Variants in KIAA1328 observed in about 807,000 individuals in gnomAD.
KIAA1328 encodes KIAA1328, also known as protein hinderin.
In KIAA1328, 52 loss-of-function variants were observed where a neutral mutation model predicts 68.1. The observed-to-expected ratio is 0.76, with a 90% CI of 0.61 to 0.96. The LOEUF (loss-of-function observed/expected upper bound fraction) is 0.96. Ranked by LOEUF, KIAA1328 falls within the 40% of genes least tolerant of loss-of-function variation. The probability of loss-of-function intolerance (pLI) is 0.00; values close to 1 mark genes in which losing one functional copy is unlikely to be tolerated. For missense variants in KIAA1328, 641 were observed against 677.6 expected, an observed-to-expected ratio of 0.95 and a Z score of 0.60; for synonymous variants, 232 against 239.4, an observed-to-expected ratio of 0.97 and a Z score of 0.28.
intron 7 of KIAA1328, among the ~76,000 whole-genome samples, chr18:37,073,421 C>G (rs1217794309): frequency 6.6e-6 from 1 of 152,264 alleles, no homozygotes; most frequent in African/African-American, 2.4e-5. Context: ...AGCTCAACAT[C>G]ATATTAGAGA....
intron 7 of KIAA1328, among the ~76,000 whole-genome samples, chr18:37,118,717 TCTAGAC>T (rs1294470383): frequency 1.3e-5 from 2 of 152,162 alleles, no homozygotes; most frequent in East Asian, 3.9e-4. Flanking sequence ...CTTTGGAACC[TCTAGAC>T]CAACAGACCC....
At chr18:37,194,958 T>G (rs2059975867) in intron 9 of KIAA1328, among the ~76,000 whole-genome samples, 1 of 152,178 alleles carries the variant, frequency 6.6e-6, no homozygotes, top group Non-Finnish European at 1.5e-5. Flanking sequence ...GCGCCCAGCC[T>G]ATGGTTGCTT....
intron 8 of KIAA1328, among the ~76,000 whole-genome samples, chr18:37,169,740 T>G (rs900542433): frequency 1.3e-4 from 20 of 152,214 alleles, no homozygotes; most frequent in African/African-American, 4.3e-4. Context: ...CAGCAATCAT[T>G]CTTATCCTTT....
At chr18:36,950,827 T>C (rs1435912441) in intron 5 of KIAA1328, among the ~76,000 whole-genome samples, 1 of 152,170 alleles carries the variant, frequency 6.6e-6, no homozygotes, top group Non-Finnish European at 1.5e-5. Flanking sequence ...TACCTCAGAT[T>C]CTTACCCGAG....
chr18:37,073,618 C>T (rs1179717419), intron 7 of KIAA1328, among the ~76,000 whole-genome samples: 1 of 151,834 alleles, frequency 6.6e-6, no homozygotes, highest in African/African-American at 2.4e-5. Context: ...TTCATTTGTC[C>T]TCTTCATTCT....
chr18:37,094,953 CAAA>C (rs34821590), intron 7 of KIAA1328, among the ~76,000 whole-genome samples: 3 of 137,048 alleles, frequency 2.2e-5, no homozygotes, highest in East Asian at 2.2e-4. Flanking sequence ...GGTTTTATGT[CAAA>C]AAAAAAAAAC....
rs1408912234 is a variant in KIAA1328, at chr18:37,154,274, T to A, written c.1233-5926T>A. ...CTCAGTCCATCGCTCTTATTAAAAATTCCCCAGATTATTTAAATGTATTGC... is the reference window on the plus strand; with the variant it reads ...CTCAGTCCATCGCTCTTATTAAAAAATCCCCAGATTATTTAAATGTATTGC... On this transcript the variant is annotated intron_variant, in intron 7 of 9. Coordinates refer to ENST00000280020, the MANE Select transcript of KIAA1328 (RefSeq NM_020776.3). Among the ~76,000 whole-genome samples, 6 of 152,130 alleles carry A rather than the reference T, an allele frequency of 3.9e-5. No homozygotes were observed. The East Asian group carries it at 7.7e-4, about 20-fold the overall frequency.
intron 8 of KIAA1328, among the ~76,000 whole-genome samples, chr18:37,165,474 C>G (rs2059368695): frequency 6.6e-6 from 1 of 151,650 alleles, no homozygotes; most frequent in Admixed American, 6.6e-5. Flanking sequence ...GACTGGAGTG[C>G]AATGGTGCTA....
intron 7 of KIAA1328, among the ~76,000 whole-genome samples, chr18:37,138,539 A>G (rs2058694743): frequency 6.6e-6 from 1 of 152,204 alleles, no homozygotes; most frequent in African/African-American, 2.4e-5. Flanking sequence ...TTTTGAAGCC[A>G]GGAACCATGC....
intron 5 of KIAA1328, among the ~76,000 whole-genome samples, chr18:36,936,356 A>T (rs1236130480): frequency 2.0e-5 from 3 of 152,028 alleles, no homozygotes. Flanking sequence ...ACTCCCACTT[A>T]TGAGTGAGAA....
intron 5 of KIAA1328, among the ~76,000 whole-genome samples, chr18:36,910,776 GT>G (rs1172333210): frequency 6.6e-6 from 1 of 152,032 alleles, no homozygotes; most frequent in African/African-American, 2.4e-5. Flanking sequence ...TCTTCTATTT[GT>G]TTATGTCCTC....
At chr18:37,089,565 G>A (rs963325948) in intron 7 of KIAA1328, among the ~76,000 whole-genome samples, 1 of 151,962 alleles carries the variant, frequency 6.6e-6, no homozygotes, top group Admixed American at 6.6e-5. Context: ...AGTAGAGATA[G>A]TGTTTCACCG....
chr18:37,202,053 A>T (rs1258312400), intron 9 of KIAA1328, among the ~76,000 whole-genome samples: 1 of 152,198 alleles, frequency 6.6e-6, no homozygotes, highest in Non-Finnish European at 1.5e-5. Context: ...ACTTATGTGA[A>T]CAACTATATT....
intron 6 of KIAA1328, among the ~76,000 whole-genome samples, chr18:36,978,905 A>G (rs934651312): frequency 3.3e-5 from 5 of 152,172 alleles, no homozygotes; most frequent in East Asian, 3.9e-4. Context: ...GCTCATGTGT[A>G]TAATCTCAGC....
At chr18:37,025,092 T>A (rs932738675) in intron 6 of KIAA1328, among the ~76,000 whole-genome samples, 2 of 152,200 alleles carry the variant, frequency 1.3e-5, no homozygotes, top group African/African-American at 2.4e-5. Context: ...AGATGGCATC[T>A]CATTGTGGTT....
downstream of KIAA1328, among the ~76,000 whole-genome samples, chr18:37,229,159 C>G (rs548713639): frequency 1.3e-5 from 2 of 152,064 alleles, no homozygotes; most frequent in Non-Finnish European, 2.9e-5. Context: ...AAACCCAGAC[C>G]GTGTGGGAGG....
chr18:37,158,803 G>C (rs1358145395), intron 7 of KIAA1328, among the ~76,000 whole-genome samples: 1 of 152,092 alleles, frequency 6.6e-6, no homozygotes, highest in Non-Finnish European at 1.5e-5. Context: ...TGGCTGAGCT[G>C]AGAATGAATC....
In KIAA1328 at chr18:37,142,230, C is replaced by T. The variant is rs150121855; in HGVS notation, c.1233-17970C>T. Reference sequence around the variant, plus strand: ...TTTTGGGGATGGAGTCTCGCTCCGTCACCCAGGCCGGATTGCAGTGGCGTG... The same window carrying T: ...TTTTGGGGATGGAGTCTCGCTCCGTTACCCAGGCCGGATTGCAGTGGCGTG... On this transcript the variant is annotated intron_variant, in intron 7 of 9. Transcript: ENST00000280020. Among the ~76,000 whole-genome samples the T allele has an allele frequency of 2.9e-4, 44 of 152,188 alleles. No individual in the cohort carries two copies. The East Asian group carries it at 4.8e-3, about 17-fold the overall frequency.
At chr18:36,917,043 G>A (rs1598705007) in intron 5 of KIAA1328, among the ~76,000 whole-genome samples, 1 of 152,002 alleles carries the variant, frequency 6.6e-6, no homozygotes, top group East Asian at 1.9e-4. Flanking sequence ...AGAGTCCACT[G>A]GGTTAAAAAT....
Sources: gnomAD v4.1 joint callset for allele counts (sites outside exome capture counted in the v4.1 genomes callset) on GRCh38, gnomAD v4.1.1 for gene constraint, MANE v1.5 for transcripts, NCBI Gene and HGNC (gene_info 2026-07-23, HGNC 2026-07-21) for gene names.